Variants in C2orf42 observed in about 807,000 individuals in gnomAD.
The protein encoded by C2orf42 is uncharacterized protein C2orf42.
Under a neutral mutation model 58.9 loss-of-function variants are expected in C2orf42, and 44 were observed. The observed-to-expected ratio is 0.75, with a 90% CI of 0.59 to 0.96. The LOEUF (loss-of-function observed/expected upper bound fraction) is 0.96, where lower values mean the gene tolerates loss of function less well. Among genes scored for constraint, C2orf42 ranks in the 40% least tolerant of loss-of-function variants. The probability of loss-of-function intolerance (pLI) is 0.00; values close to 1 mark genes in which losing one functional copy is unlikely to be tolerated. For synonymous variants in C2orf42, 239 were observed against 265.4 expected, an observed-to-expected ratio of 0.90 and a Z score of 0.97; for missense variants, 630 against 699.2, an observed-to-expected ratio of 0.90 and a Z score of 1.12.
At chr2:70,158,784 G>T (rs1672865147) in intron 9 of C2orf42, among the ~76,000 whole-genome samples, 1 of 152,032 alleles carries the variant, frequency 6.6e-6, no homozygotes, top group African/African-American at 2.4e-5. Flanking sequence ...GTAGAGATGG[G>T]GTTTCACCAT....
intron 9 of C2orf42, among the ~76,000 whole-genome samples, chr2:70,157,451 C>T (rs1672751604): frequency 6.9e-6 from 1 of 143,902 alleles, no homozygotes; most frequent in Non-Finnish European, 1.5e-5. Context: ...AGACTCCCGT[C>T]TCAAAACAAA....
intron 4 of C2orf42, among the ~76,000 whole-genome samples, chr2:70,176,010 G>A (rs1674167460): frequency 6.6e-6 from 1 of 152,042 alleles, no homozygotes; most frequent in African/African-American, 2.4e-5. Flanking sequence ...TTCACTTATT[G>A]CTCCCACCTG....
Position 70,181,689 on chromosome 2 carries a change from G to C in C2orf42, c.297C>G (p.Ile99Met), listed in dbSNP as rs1207129801. ...TGATGATCGTCCCATCCACTGTCTG[G>C]ATTGTTGTCTCTGAAACCCCGAGCT... is the stretch of plus-strand genomic sequence containing the variant. ...FVELGVSETT[I>M]QTVDGTIITQ... The change falls in exon 3 of 10, where the codon ATC becomes ATG. Residue 99 changes from isoleucine to methionine, a missense_variant. Ile to Met is a conservative substitution (Grantham distance 10, BLOSUM62 1). Transcript: ENST00000264434. 5 of 1,614,076 alleles carry C rather than the reference G, an allele frequency of 3.1e-6. No individual in the cohort carries two copies. In the Admixed American group the frequency reaches 8.3e-5, roughly 27 times the overall value.
chr2:70,189,614 G>C (rs776166046), intron 1 of C2orf42, among the ~76,000 whole-genome samples: 83 of 151,556 alleles, frequency 5.5e-4, no homozygotes, highest in Admixed American at 2.1e-3. Context: ...CTACTAGGGA[G>C]GCTGAGGCAG....
In C2orf42 at chr2:70,179,608, G is replaced by C. The variant is rs372665510; in HGVS notation, c.858C>G (p.Cys286Trp). 97 of 1,539,762 alleles carry C rather than the reference G, an allele frequency of 6.3e-5. No homozygotes were observed. Among genetic ancestry groups the C allele is most frequent in the Non-Finnish European group, 8.4e-5 (93 of 1,113,742 alleles). ...AAGCAGATACTGTTGATTCTGAATG[G>C]CAACCTAACTGGGGTACAATAATCT... ...LKEIIVPQLG[C>W]HSESTVSACE... Residue 286 changes from cysteine (C) to tryptophan (W), a missense_variant, in exon 4 of 10, where the codon TGC (cysteine) becomes TGG (tryptophan). By Grantham distance (215) the Cys-to-Trp change is radical. Coordinates refer to ENST00000264434, the MANE Select transcript of C2orf42 (RefSeq NM_017880.3).
At chr2:70,183,240 C>T (rs1396663117) in intron 1 of C2orf42, among the ~76,000 whole-genome samples, 2 of 151,884 alleles carry the variant, frequency 1.3e-5, no homozygotes, top group African/African-American at 2.4e-5. Context: ...AGTTCAAGAC[C>T]AGCCTGGACA....
At chr2:70,190,041 C>A (rs1675243759) in intron 1 of C2orf42, 1 of 152,000 alleles carries the variant, frequency 6.6e-6, no homozygotes, top group Non-Finnish European at 1.5e-5. Flanking sequence ...ATTTGGGAAA[C>A]AGAAGTTAGG....
intron 9 of C2orf42, among the ~76,000 whole-genome samples, chr2:70,157,210 T>A (rs1432918935): frequency 6.6e-6 from 1 of 152,020 alleles, no homozygotes; most frequent in Non-Finnish European, 1.5e-5. Context: ...ATCCCAGCAC[T>A]TTGGGCGGCC....
At chr2:70,151,646 CAA>C (rs1335735832) in intron 9 of C2orf42, among the ~76,000 whole-genome samples, 1 of 150,782 alleles carries the variant, frequency 6.6e-6, no homozygotes, top group Non-Finnish European at 1.5e-5. Flanking sequence ...AAAACACCCC[CAA>C]AAAATAAAAA....
chr2:70,162,438 A>C (rs556318267), intron 8 of C2orf42, among the ~76,000 whole-genome samples: 5 of 151,918 alleles, frequency 3.3e-5, no homozygotes, highest in Non-Finnish European at 5.9e-5. Flanking sequence ...ACCTGAGGTC[A>C]GGAGCTTGGG....
chr2:70,171,724 C>A (rs956941262), intron 5 of C2orf42, among the ~76,000 whole-genome samples: 3 of 151,774 alleles, frequency 2.0e-5, no homozygotes, highest in Non-Finnish European at 4.4e-5. Context: ...CTTGGTCAGG[C>A]TGGTCTTGAA....
intron 9 of C2orf42, among the ~76,000 whole-genome samples, chr2:70,154,891 G>A (rs910182088): frequency 1.3e-5 from 2 of 151,972 alleles, no homozygotes; most frequent in Non-Finnish European, 2.9e-5. Context: ...AAGTAGCTGG[G>A]ACCACAGGCA....
intron 9 of C2orf42, among the ~76,000 whole-genome samples, chr2:70,159,200 C>A (rs1049552413): frequency 1.1e-4 from 16 of 151,992 alleles, no homozygotes; most frequent in African/African-American, 3.9e-4. Flanking sequence ...GCGGAGTATT[C>A]CTTTTAAAAG....
chr2:70,164,234 T>G (rs1163720624), intron 8 of C2orf42, among the ~76,000 whole-genome samples: 2 of 150,744 alleles, frequency 1.3e-5, no homozygotes, highest in African/African-American at 4.9e-5. Context: ...TCCCAAGAGG[T>G]GGAGGTAGAG....
chr2:70,164,033 T>A (rs1310825362), intron 8 of C2orf42, among the ~76,000 whole-genome samples: 1 of 150,134 alleles, frequency 6.7e-6, no homozygotes, highest in East Asian at 2.0e-4. Flanking sequence ...ATTAATAGGG[T>A]GGGCCTGGTG....
chr2:70,173,296 C>G (rs148319321), intron 5 of C2orf42, among the ~76,000 whole-genome samples: 1 of 112,010 alleles, frequency 8.9e-6, no homozygotes, highest in African/African-American at 3.5e-5. Flanking sequence ...TTTTTTGAGA[C>G]GGAGTCTCAC....
At chr2:70,184,697 C>T (rs1375733728) in intron 1 of C2orf42, among the ~76,000 whole-genome samples, 1 of 151,622 alleles carries the variant, frequency 6.6e-6, no homozygotes, top group Non-Finnish European at 1.5e-5. Flanking sequence ...CCCAGGCTGG[C>T]TTTGAACTCC....
At position 70,180,607 on chromosome 2, in the gene C2orf42, CA is replaced by C. The variant is rs59381817; in HGVS notation, c.823+555del. On this transcript the variant is annotated intron_variant, in intron 3 of 9. Transcript: ENST00000264434. ...TTTGTGATGGAGCAAGATTCTGTCT[CA>C]AAAAAAAAAAAAAAAAAAAAAAATC... is the stretch of plus-strand genomic sequence containing the variant. Among the ~76,000 whole-genome samples the C allele has an allele frequency of 6.7e-3, 383 of 57,062 alleles. 1 individual carries two copies. Among genetic ancestry groups the C allele is most frequent in the African/African-American group, 0.015 (226 of 14,958 alleles). 37.4% of individuals were successfully genotyped at this position (57,062 alleles called of 152,430 possible).
intron 8 of C2orf42, among the ~76,000 whole-genome samples, chr2:70,164,164 A>G (rs978132698): frequency 6.6e-6 from 1 of 152,010 alleles, no homozygotes; most frequent in East Asian, 1.9e-4. Context: ...TTAGCTGGGC[A>G]TGGTGGCATA....
Sources: gnomAD v4.1 joint callset for allele counts (sites outside exome capture counted in the v4.1 genomes callset) on GRCh38, gnomAD v4.1.1 for gene constraint, MANE v1.5 for transcripts, NCBI Gene and HGNC (gene_info 2026-07-23, HGNC 2026-07-21) for gene names.